MLIP: variants seen among roughly 807,000 people sequenced by gnomAD.
The protein encoded by MLIP is muscular LMNA interacting protein, also known as muscular LMNA-interacting protein.
Under a neutral mutation model 84.8 loss-of-function variants are expected in MLIP, and 79 were observed. The ratio of observed to expected loss-of-function variants is 0.93; its 90% CI spans 0.78 to 1.12. MLIP has a LOEUF of 1.12. MLIP is among the 50% of genes most tolerant of loss of function. The pLI, the probability that MLIP is intolerant of heterozygous loss-of-function variation, is 0.00. For missense variants in MLIP, 1,257 were observed against 1,160.6 expected, an observed-to-expected ratio of 1.08 and a Z score of -1.21; for synonymous variants, 504 against 463.0, an observed-to-expected ratio of 1.09 and a Z score of -1.14.
chr6:54,071,501 T>C (rs1766483538), intron 1 of MLIP, among the ~76,000 whole-genome samples: 1 of 152,180 alleles, frequency 6.6e-6, no homozygotes, highest in Non-Finnish European at 1.5e-5. Flanking sequence ...GGATTTTAGT[T>C]TTAGAAAGAG....
chr6:54,172,348 A>G (rs570521229), intron 9 of MLIP, among the ~76,000 whole-genome samples: 1 of 151,790 alleles, frequency 6.6e-6, no homozygotes, highest in Admixed American at 6.6e-5. Flanking sequence ...TTCCACCTCT[A>G]TTCATTGATT....
chr6:54,205,044 A>G (rs1280853), intron 11 of MLIP, among the ~76,000 whole-genome samples: 147,415 of 152,238 alleles, frequency 0.97, 71,558 homozygotes, highest in East Asian at 1. Flanking sequence ...GAACCTTGGG[A>G]CCACTGAACA....
At chr6:54,263,193 G>T (rs948342798) in intron 13 of MLIP, among the ~76,000 whole-genome samples, 1 of 151,908 alleles carries the variant, frequency 6.6e-6, no homozygotes, top group Non-Finnish European at 1.5e-5. Flanking sequence ...TAAGATCAGG[G>T]TTAATAATTA....
At chr6:54,114,972 T>C (rs1252096374) in intron 1 of MLIP, among the ~76,000 whole-genome samples, 3 of 152,170 alleles carry the variant, frequency 2.0e-5, no homozygotes, top group Admixed American at 6.5e-5. Flanking sequence ...TTCCGTTACC[T>C]TAACGAAATA....
intron 9 of MLIP, among the ~76,000 whole-genome samples, chr6:54,186,756 C>T (rs1410059033): frequency 6.6e-6 from 1 of 152,124 alleles, no homozygotes; most frequent in Non-Finnish European, 1.5e-5. Flanking sequence ...CCCACCAGTT[C>T]CTGCCCTCAA....
intron 1 of MLIP, among the ~76,000 whole-genome samples, chr6:54,079,197 C>A (rs938269830): frequency 8.7e-4 from 132 of 152,234 alleles, no homozygotes; most frequent in Non-Finnish European, 9.1e-4. Flanking sequence ...TATTTTCTAT[C>A]AGGTATGACT....
Position 54,146,379 on chromosome 6 carries a change from A to G in MLIP, c.2218-2677A>G, listed in dbSNP as rs1772835405. 3.3e-5 allele frequency among the ~76,000 whole-genome samples: 5 copies of G among 152,208 alleles called. No homozygotes were observed. The South Asian group carries it at 1.0e-3, about 31-fold the overall frequency. On this transcript the variant is annotated intron_variant, in intron 4 of 13. Coordinates refer to ENST00000502396, the MANE Select transcript of MLIP (RefSeq NM_001281747.2). Reference sequence around the variant, plus strand: ...TCTATTAAACGCTTTTTATAATTTTAAGGAATATTATCAGAGGAGAGCAAT... The same window carrying G: ...TCTATTAAACGCTTTTTATAATTTTGAGGAATATTATCAGAGGAGAGCAAT...
intron 12 of MLIP, among the ~76,000 whole-genome samples, chr6:54,242,059 A>G (rs1272935436): frequency 6.6e-6 from 1 of 152,198 alleles, no homozygotes; most frequent in Non-Finnish European, 1.5e-5. Context: ...TTGTTTCCCC[A>G]TCATAGAGGA....
chr6:54,169,558 C>A lies in MLIP; in HGVS notation c.2530C>A (p.Arg844=). 2 of 1,588,192 alleles carry A rather than the reference C, an allele frequency of 1.3e-6. No homozygotes were observed. Among genetic ancestry groups the A allele is most frequent in the South Asian group, 1.2e-5 (1 of 86,824 alleles). ...TPTTLPRAAG[R]ETKYANLSSP... is the part of the protein sequence containing the mutation. ...TACAACTCTTCCAAGAGCAGCTGGTCGAGAAACCAAATATGTAAGTACCTT... is the reference window on the plus strand; with the variant it reads ...TACAACTCTTCCAAGAGCAGCTGGTAGAGAAACCAAATATGTAAGTACCTT... The change falls in exon 9 of 14, where the codon CGA becomes AGA. Residue 844 remains arginine (R), a synonymous_variant. Transcript: ENST00000502396.
chr6:54,237,896 T>G (rs1467336236), intron 12 of MLIP, among the ~76,000 whole-genome samples: 1 of 152,126 alleles, frequency 6.6e-6, no homozygotes, highest in Admixed American at 6.6e-5. Context: ...ATTTTCTTTA[T>G]TTTTGATATA....
intron 12 of MLIP, among the ~76,000 whole-genome samples, chr6:54,245,645 T>A (rs991580521): frequency 6.6e-6 from 1 of 152,214 alleles, no homozygotes; most frequent in Non-Finnish European, 1.5e-5. Flanking sequence ...TAATTGCTTG[T>A]CTAACCTTCT....
intron 1 of MLIP, among the ~76,000 whole-genome samples, chr6:54,031,112 A>C (rs139092305): frequency 4.6e-5 from 7 of 152,180 alleles, no homozygotes; most frequent in Non-Finnish European, 1.0e-4. Flanking sequence ...GTGCAGCCCT[A>C]TTAGCCAAAC....
At chr6:54,251,380 G>T (rs186514842) in intron 12 of MLIP, among the ~76,000 whole-genome samples, 40 of 140,300 alleles carry the variant, frequency 2.9e-4, no homozygotes, top group African/African-American at 1.1e-3. Flanking sequence ...TTGTAAATCA[G>T]GGATTAAAAA....
rs187890001 is a variant in MLIP at position 54,178,759 on chromosome 6, T to G, written c.2544+9187T>G. On this transcript the variant is annotated intron_variant, in intron 9 of 13. Transcript: ENST00000502396. ...TCTCCTGGTGGTCAGAGAAGATGCTTGATATTATTTTAATTTTTTGAATGT... is the reference window on the plus strand; with the variant it reads ...TCTCCTGGTGGTCAGAGAAGATGCTGGATATTATTTTAATTTTTTGAATGT... Among the ~76,000 whole-genome samples, 5 of 152,290 alleles carry G rather than the reference T, an allele frequency of 3.3e-5. No homozygotes were observed. The East Asian group carries it at 9.7e-4, about 29-fold the overall frequency.
intron 1 of MLIP, among the ~76,000 whole-genome samples, chr6:54,092,541 C>T (rs1767936222): frequency 6.6e-6 from 1 of 151,546 alleles, no homozygotes; most frequent in African/African-American, 2.4e-5. Context: ...TCATATTTTC[C>T]CAACAAAATA....
In MLIP at chr6:54,124,607, G is replaced by A; in HGVS notation, c.387G>A (p.Gly129=). 2 of 1,614,188 alleles carry A rather than the reference G, an allele frequency of 1.2e-6. No homozygotes were observed. The highest frequency in any genetic ancestry group is 1.7e-6 in the Non-Finnish European group (2 of 1,180,028). Reference sequence around the variant, plus strand: ...AATTCGAAGCAAACAAACTTCAAGGGATGCAGCAAAGTGACCTCTTCAAAG... The same window carrying A: ...AATTCGAAGCAAACAAACTTCAAGGAATGCAGCAAAGTGACCTCTTCAAAG... ...EREFEANKLQ[G]MQQSDLFKAE... The change falls in exon 3 of 14, where the codon GGG becomes GGA. Residue 129 remains glycine, a synonymous_variant. Transcript: ENST00000502396.
At chr6:54,032,755 T>C (rs1463172538) in intron 1 of MLIP, among the ~76,000 whole-genome samples, 3 of 152,170 alleles carry the variant, frequency 2.0e-5, no homozygotes, top group Non-Finnish European at 2.9e-5. Context: ...GGTTTTGCCA[T>C]GTTGGCTAGG....
chr6:54,095,888 A>G (rs1768176713), intron 1 of MLIP, among the ~76,000 whole-genome samples: 1 of 152,110 alleles, frequency 6.6e-6, no homozygotes, highest in Non-Finnish European at 1.5e-5. Context: ...TTTCCCCGAG[A>G]GCACGGTGTT....
intron 1 of MLIP, among the ~76,000 whole-genome samples, chr6:54,031,073 C>T (rs1764104885): frequency 6.6e-6 from 1 of 152,092 alleles, no homozygotes; most frequent in South Asian, 2.1e-4. Context: ...GTTGACAGAA[C>T]ATTAACATGT....
Sources: allele counts gnomAD v4.1 joint callset (sites outside exome capture counted in the v4.1 genomes callset), GRCh38; gene constraint gnomAD v4.1.1; transcripts MANE v1.5; gene names NCBI Gene and HGNC (gene_info 2026-07-23, HGNC 2026-07-21).